The following C11orf65 variants were observed in gnomAD, a reference collection of about 807,000 sequenced individuals.
The protein encoded by C11orf65 is protein MFI.
In C11orf65, 38 loss-of-function variants were observed where a neutral mutation model predicts 35.3. That is an observed-to-expected ratio of 1.08 (90% CI 0.83 to 1.41). C11orf65 has a LOEUF of 1.41. Ranked by LOEUF, C11orf65 falls within the 40% of genes most tolerant of loss-of-function variation. The probability of loss-of-function intolerance (pLI) is 0.00; values close to 1 mark genes in which losing one functional copy is unlikely to be tolerated. For missense variants in C11orf65, 370 were observed against 367.1 expected (o/e 1.01, Z -0.06); for synonymous variants, 105 against 114.4 (o/e 0.92, Z 0.53).
intron 2 of C11orf65, among the ~76,000 whole-genome samples, chr11:108,433,880 GAAGAA>G (rs1280181657): frequency 6.6e-6 from 1 of 152,196 alleles, no homozygotes; most frequent in Non-Finnish European, 1.5e-5. Flanking sequence ...ATTGTGCCTG[GAAGAA>G]AAGATGGCCA....
chr11:108,358,467 A>G (rs1019781531), intron 2 of C11orf65, among the ~76,000 whole-genome samples: 4 of 151,092 alleles, frequency 2.6e-5, no homozygotes, highest in African/African-American at 9.8e-5. Context: ...ACTCTTTGAG[A>G]AGAGCAACTC....
chr11:108,380,348 G>A (rs1209351208), downstream of C11orf65, among the ~76,000 whole-genome samples: 1 of 152,204 alleles, frequency 6.6e-6, no homozygotes, highest in Non-Finnish European at 1.5e-5. Flanking sequence ...GGATTCTTGG[G>A]CAGTGGCAAA....
upstream of C11orf65, among the ~76,000 whole-genome samples, chr11:108,469,136 C>T (rs773094804): frequency 1.3e-5 from 2 of 151,364 alleles, no homozygotes; most frequent in South Asian, 2.1e-4. Context: ...TGATAGAACC[C>T]GGGAGGCAGA....
At chr11:108,328,082 A>T (rs2085864361), downstream of C11orf65, among the ~76,000 whole-genome samples, 1 of 152,206 alleles carries the variant, frequency 6.6e-6, no homozygotes, top group Non-Finnish European at 1.5e-5. Flanking sequence ...TAGGCAAGTC[A>T]GCCCTTGCTC....
At chr11:108,387,148 C>CTTTTTTTTTTTTTTTTTTTTTT (rs1175890979) in intron 7 of C11orf65, among the ~76,000 whole-genome samples, 1 of 84,388 alleles carries the variant, frequency 1.2e-5, no homozygotes, top group Non-Finnish European at 2.1e-5. Context: ...TTCTTTCTTT[C>CTTTTTTTTTTTTTTTTTTTTTT]TTTTTTTTTT....
chr11:108,455,556 G>A lies in C11orf65; in HGVS notation c.81+5923C>T, dbSNP rs1391561016. 3.3e-5 allele frequency among the ~76,000 whole-genome samples: 5 copies of A among 152,278 alleles called. No homozygotes were observed. In the East Asian group the frequency reaches 9.7e-4, roughly 29 times the overall value. On this transcript the variant is annotated intron_variant, in intron 2 of 8. Transcript: ENST00000393084. ...TTAGAGGCCAGGCACAGTGGCTCAT[G>A]CCTGTAATCCCAGCACTTTGGGAGG...
intron 7 of C11orf65, among the ~76,000 whole-genome samples, chr11:108,391,769 C>A (rs961665392): frequency 3.3e-4 from 49 of 150,518 alleles, no homozygotes; most frequent in African/African-American, 1.1e-3. Flanking sequence ...TAATTCTCCA[C>A]CCCCAGGAAA....
chr11:108,358,130 G>C (rs912539884), intron 2 of C11orf65, among the ~76,000 whole-genome samples: 8 of 150,186 alleles, frequency 5.3e-5, no homozygotes. Flanking sequence ...ATCAAGGCTC[G>C]AGAACTATGT....
chr11:108,414,085 A>C (rs2092696121), intron 3 of C11orf65, among the ~76,000 whole-genome samples: 2 of 152,066 alleles, frequency 1.3e-5, no homozygotes, highest in South Asian at 4.1e-4. Flanking sequence ...AATCAATGAA[A>C]TTGATAACAA....
intron 2 of C11orf65, among the ~76,000 whole-genome samples, chr11:108,440,096 A>G (rs963797163): frequency 1.3e-5 from 2 of 152,196 alleles, no homozygotes; most frequent in Non-Finnish European, 2.9e-5. Context: ...TGAAGAGGCT[A>G]AAGTGAGTTA....
At chr11:108,382,745 C>A (rs893430674), downstream of C11orf65, 58 of 980,406 alleles carry the variant, frequency 5.9e-5, no homozygotes, top group African/African-American at 9.6e-4. Flanking sequence ...AATAATCAGT[C>A]TGAAGCTTCT....
chr11:108,407,264 T>C (rs1182579502), intron 3 of C11orf65, 115 bp from the exon 4 acceptor site: 2 of 825,782 alleles, frequency 2.4e-6, no homozygotes, highest in African/African-American at 3.5e-5. Flanking sequence ...ATTTAGGAAA[T>C]CAGTCAGGTG....
At position 108,431,812 on chromosome 11, in the gene C11orf65, T is replaced by C; in HGVS notation, c.108A>G (p.Lys36=). Residue 36 remains lysine (K), a synonymous_variant, in exon 3 of 9, where the codon AAA becomes AAG. Coordinates refer to ENST00000393084, the MANE Select transcript of C11orf65 (RefSeq NM_152587.5). ...FLNVAIFQHF[K]SLIDLRRQGE... is the part of the protein sequence containing the mutation. ...CTTGTCTTCTTAAATCAATCAGACT[T>C]TTAAAGTGTTGAAATATAGCGACAT... 6.6e-7 allele frequency: 1 copy of C among 1,520,690 alleles called. No homozygotes were observed. Among genetic ancestry groups the C allele is most frequent in the Non-Finnish European group, 8.9e-7 (1 of 1,119,160 alleles). The allele number at this position is 1,520,690 out of a possible 1,614,324, so 94.2% of individuals were successfully genotyped here. A position where few individuals can be genotyped will look rare whatever the true frequency, so the allele number is the denominator to read the frequency against.
intron 3 of C11orf65, among the ~76,000 whole-genome samples, chr11:108,407,979 C>T (rs1435335928): frequency 7.4e-6 from 1 of 135,140 alleles, no homozygotes; most frequent in Non-Finnish European, 1.5e-5. Context: ...ATTTTATGAG[C>T]TAAGGACTTA....
chr11:108,466,148 C>T (rs1334311832), intron 1 of C11orf65, among the ~76,000 whole-genome samples: 1 of 152,036 alleles, frequency 6.6e-6, no homozygotes, highest in African/African-American at 2.4e-5. Context: ...AAGAGGACAC[C>T]ATCTGGAGCA....
chr11:108,421,036 T>A (rs1194290733), intron 3 of C11orf65, among the ~76,000 whole-genome samples: 1 of 152,216 alleles, frequency 6.6e-6, no homozygotes, highest in African/African-American at 2.4e-5. Flanking sequence ...AATATTTTCA[T>A]CACTCCAAAA....
At position 108,326,229 on chromosome 11, in the gene C11orf65, TG is replaced by T. The variant is rs1442949382; in HGVS notation, c.641-17159del. 1.2e-6 allele frequency: 2 copies of T among 1,614,040 alleles called. No homozygotes were observed. The highest frequency in any genetic ancestry group is 1.7e-5 in the Admixed American group (1 of 60,010). On this transcript the variant is annotated intron_variant, in intron 6 of 6. Transcript: ENST00000525729. ...GTTGGATGCCAGCTGTGCAGCGGTT[TG>T]TTTTTTTTATTGGCTGGATTAGTGT...
chr11:108,312,803 G>A (rs569325883), intron 6 of C11orf65, among the ~76,000 whole-genome samples: 45 of 152,220 alleles, frequency 3.0e-4, no homozygotes, highest in South Asian at 8.3e-4. Context: ...AGCACTTAGG[G>A]TTTATAATTA....
At chr11:108,326,527 A>G (rs2136348811), downstream of C11orf65, among the ~76,000 whole-genome samples, 1 of 152,376 alleles carries the variant, frequency 6.6e-6, no homozygotes, top group East Asian at 1.9e-4. Context: ...TAGCTACTCT[A>G]AATTTGAAAT....
Sources: allele counts gnomAD v4.1 joint callset (sites outside exome capture counted in the v4.1 genomes callset), GRCh38; gene constraint gnomAD v4.1.1; transcripts MANE v1.5; gene names NCBI Gene and HGNC (gene_info 2026-07-23, HGNC 2026-07-21).